Variants in MYT1L observed in about 807,000 individuals in gnomAD.
MYT1L encodes the protein myelin transcription factor 1-like protein.
In MYT1L, 12 loss-of-function variants were observed where a neutral mutation model predicts 126.7. The observed-to-expected ratio is 0.09, with a 90% confidence interval of 0.06 to 0.15. The LOEUF (loss-of-function observed/expected upper bound fraction) is 0.15, where lower values mean the gene tolerates loss of function less well. Among genes scored for constraint, MYT1L ranks in the 10% least tolerant of loss-of-function variants. MYT1L has a pLI of 1.00. For missense variants in MYT1L, 979 were observed against 1,585.2 expected (o/e 0.62, Z 6.49); for synonymous variants, 541 against 604.2 (o/e 0.90, Z 1.53).
chr2:2,076,483 T>C (rs1211475702), intron 3 of MYT1L, among the ~76,000 whole-genome samples: 1 of 152,064 alleles, frequency 6.6e-6, no homozygotes, highest in Non-Finnish European at 1.5e-5. Context: ...GCATAATACC[T>C]ACAAAGCCAG....
chr2:2,247,140 A>G (rs1415587724), intron 2 of MYT1L, among the ~76,000 whole-genome samples: 1 of 152,256 alleles, frequency 6.6e-6, no homozygotes, highest in African/African-American at 2.4e-5. Flanking sequence ...TGTTCCCTAC[A>G]AGAAACTTTA....
chr2:2,184,454 A>G (rs1325843285), intron 2 of MYT1L, among the ~76,000 whole-genome samples: 1 of 152,186 alleles, frequency 6.6e-6, no homozygotes, highest in Non-Finnish European at 1.5e-5. Context: ...GCAAAGGCCC[A>G]TTTTAAATAC....
chr2:1,891,115 G>A (rs1051692180), intron 15 of MYT1L, among the ~76,000 whole-genome samples: 2 of 150,538 alleles, frequency 1.3e-5, no homozygotes, highest in Non-Finnish European at 2.9e-5. Flanking sequence ...CAATATCTAG[G>A]ACTAAATATA....
At chr2:2,304,046 G>A (rs1368337827) in intron 1 of MYT1L, 4 of 152,112 alleles carry the variant, frequency 2.6e-5, no homozygotes. Context: ...TTTGAATAAG[G>A]ATTATGTGGA....
chr2:2,089,472 C>T (rs1460997204), intron 3 of MYT1L, among the ~76,000 whole-genome samples: 1 of 152,186 alleles, frequency 6.6e-6, no homozygotes, highest in African/African-American at 2.4e-5. Flanking sequence ...ATGAAAGAAA[C>T]AGAAATCTCG....
At chr2:1,996,866 G>A (rs1212108811) in intron 5 of MYT1L, among the ~76,000 whole-genome samples, 2 of 139,584 alleles carry the variant, frequency 1.4e-5, no homozygotes, top group South Asian at 2.4e-4. Flanking sequence ...AGTGAGTGAG[G>A]GCCGCCCTGC....
chr2:2,296,813 C>T (rs1223875872), intron 1 of MYT1L, among the ~76,000 whole-genome samples: 1 of 152,234 alleles, frequency 6.6e-6, no homozygotes, highest in Non-Finnish European at 1.5e-5. Flanking sequence ...AGGAGTAAGC[C>T]TTGCCTCTTT....
intron 3 of MYT1L, among the ~76,000 whole-genome samples, chr2:2,102,873 A>C (rs2078269081): frequency 6.6e-6 from 1 of 152,190 alleles, no homozygotes; most frequent in Non-Finnish European, 1.5e-5. Flanking sequence ...TCTATATAAA[A>C]ATTCTGGGCT....
chr2:2,316,974 C>A (rs1249871213), intron 1 of MYT1L, among the ~76,000 whole-genome samples: 1 of 143,286 alleles, frequency 7.0e-6, no homozygotes, highest in Non-Finnish European at 1.6e-5. Context: ...CCATGCCCAG[C>A]CAATTTTTTT....
chr2:2,229,980 A>G (rs2094123357), intron 2 of MYT1L, among the ~76,000 whole-genome samples: 2 of 152,200 alleles, frequency 1.3e-5, no homozygotes, highest in African/African-American at 4.8e-5. Flanking sequence ...ATTTTACTTG[A>G]AATCTCCTTT....
At chr2:2,117,854 G>T (rs746657115) in intron 3 of MYT1L, among the ~76,000 whole-genome samples, 1 of 152,026 alleles carries the variant, frequency 6.6e-6, no homozygotes, top group Non-Finnish European at 1.5e-5. Context: ...GACAGAGCCA[G>T]AGTCGGTAAT....
chr2:2,273,108 AGCGGGCTGTATCCTGCCCCCT>A (rs997113440), intron 2 of MYT1L, among the ~76,000 whole-genome samples: 2 of 152,028 alleles, frequency 1.3e-5, no homozygotes, highest in African/African-American at 4.8e-5. Context: ...ACATGCCCCC[AGCGGGCTGTATCCTGCCCCCT>A]GCCACAATTC....
At chr2:2,114,760 G>C (rs906325137) in intron 3 of MYT1L, among the ~76,000 whole-genome samples, 12 of 152,162 alleles carry the variant, frequency 7.9e-5, no homozygotes, top group Non-Finnish European at 1.5e-4. Flanking sequence ...CCAGACCCAG[G>C]ATCTTCATAA....
intron 18 of MYT1L, among the ~76,000 whole-genome samples, chr2:1,870,642 T>G (rs1414855086): frequency 2.6e-5 from 4 of 152,292 alleles, no homozygotes; most frequent in Admixed American, 1.3e-4. Context: ...CTCTGAATCA[T>G]GCTGTTGTAG....
At chr2:2,168,534 A>C (rs552905495) in intron 3 of MYT1L, among the ~76,000 whole-genome samples, 1 of 152,186 alleles carries the variant, frequency 6.6e-6, no homozygotes, top group Non-Finnish European at 1.5e-5. Context: ...TAACGCACTC[A>C]TCCATTGCTG....
At position 2,131,110 on chromosome 2, in the gene MYT1L, T is replaced by TG. The variant is rs574496148; in HGVS notation, c.-304+41761dup. ...GGTCTTCAACAGCAGCAGCTGTCCC[T>TG]GGGGAAAGCTACTCTGGTTCTCCTT... On this transcript the variant is annotated intron_variant, in intron 3 of 24. Transcript: ENST00000647738. Among the ~76,000 whole-genome samples, 6 of 152,268 alleles carry TG rather than the reference T, an allele frequency of 3.9e-5. No homozygotes were observed. In the South Asian group the frequency reaches 1.2e-3, roughly 32 times the overall value.
Position 1,929,890 on chromosome 2 carries a change from GCCTTTCCTCTA to G in MYT1L, c.506-6638_506-6628del, listed in dbSNP as rs1355576737. 8.5e-5 allele frequency among the ~76,000 whole-genome samples: 13 copies of G among 152,198 alleles called. No individual in the cohort carries two copies. Among genetic ancestry groups the G allele is most frequent in the Admixed American group, 7.9e-4 (12 of 15,284 alleles). The stretch of plus-strand genomic sequence containing the variant: ...CCATCTTGGTTTTGCTACATCTCAA[GCCTTTCCTCTA>G]CCTTTCAAAACCGGGACATATTCGG... On this transcript the variant is annotated intron_variant, in intron 9 of 24. Coordinates refer to ENST00000647738, the MANE Select transcript of MYT1L (RefSeq NM_001303052.2). This position sits in a 1 kb window ranked among gnomAD's most constrained non-coding sequence, Gnocchi z 4.7.
chr2:2,071,614 G>A (rs1164778884), intron 3 of MYT1L, among the ~76,000 whole-genome samples: 1 of 152,184 alleles, frequency 6.6e-6, no homozygotes, highest in Non-Finnish European at 1.5e-5. Context: ...TGAGACATAA[G>A]AGGAAAGTAG....
At chr2:2,197,534 T>C (rs1214498125) in intron 2 of MYT1L, among the ~76,000 whole-genome samples, 1 of 151,442 alleles carries the variant, frequency 6.6e-6, no homozygotes, top group African/African-American at 2.4e-5. Context: ...GTATATAACA[T>C]ATACACCCAT....
Sources: gnomAD v4.1 joint callset for allele counts (sites outside exome capture counted in the v4.1 genomes callset) on GRCh38, gnomAD v4.1.1 for gene constraint, Gnocchi (gnomAD v3.1) non-coding constraint, MANE v1.5 for transcripts, NCBI Gene and HGNC (gene_info 2026-07-23, HGNC 2026-07-21) for gene names.